Variants in MAMDC4 observed in about 807,000 individuals in gnomAD.
MAMDC4 encodes MAM domain containing 4, also known as apical endosomal glycoprotein.
MAMDC4 carries 168 observed loss-of-function variants against 153.3 expected under a neutral mutation model. That is an observed-to-expected ratio of 1.10 (90% CI 0.97 to 1.25). MAMDC4 has a LOEUF of 1.25. Among genes scored for constraint, MAMDC4 ranks in the 50% most tolerant of loss-of-function variants. MAMDC4 has a pLI of 0.00. For synonymous variants in MAMDC4, 744 were observed against 651.5 expected, an observed-to-expected ratio of 1.14 and a Z score of -2.16; for missense variants, 1,701 against 1,542.8, an observed-to-expected ratio of 1.10 and a Z score of -1.72.
Position 136,854,763 on chromosome 9 carries a change from C to T in MAMDC4, c.936C>T (p.Gly312=). 1.9e-6 allele frequency: 3 copies of T among 1,612,780 alleles called. No individual in the cohort carries two copies. The highest frequency in any genetic ancestry group is 2.5e-6 in the Non-Finnish European group (3 of 1,179,878). ...RRDHSRNSAQ[G]SFLVSVAEPG... ...GCCCACTCCCGTCCTTTCCCGCAGG[C>T]TCCTTCCTGGTCTCCGTGGCCGAGC... Residue 312 remains glycine (G), a splice_region_variant and synonymous_variant, in exon 9 of 27, where the codon GGC becomes GGT. Coordinates refer to ENST00000317446, the MANE Select transcript of MAMDC4 (RefSeq NM_206920.3).
chr9:136,857,206 C>T lies in MAMDC4; in HGVS notation c.2014C>T (p.His672Tyr), dbSNP rs767582388. 5 of 1,611,976 alleles carry T rather than the reference C, an allele frequency of 3.1e-6. No individual in the cohort carries two copies. The highest frequency in any genetic ancestry group is 1.3e-5 in the African/African-American group (1 of 75,062). Residue 672 changes from histidine (H) to tyrosine (Y), a missense_variant, in exon 17 of 27, where the codon CAC becomes TAC. His to Tyr is a moderately conservative substitution (Grantham distance 83). Transcript: ENST00000317446. The stretch of plus-strand genomic sequence containing the variant: ...CATGAGACGGGAAGGGGAGGAGACA[C>T]ACCTGTGGTCGCGGTCAGGCACCCA... The part of the protein sequence containing the change: ...LAMRREGEET[H>Y]LWSRSGTQGN...
At position 136,853,615 on chromosome 9, in the gene MAMDC4, G is replaced by T. The variant is rs1353219138; in HGVS notation, c.399G>T (p.Leu133=). Residue 133 remains leucine, a synonymous_variant, in exon 4 of 27, where the codon CTG becomes CTT. Coordinates refer to ENST00000317446, the MANE Select transcript of MAMDC4 (RefSeq NM_206920.3). ...ASTAALRSPT[L]REAASSCKLR... is the part of the protein sequence containing the mutation. ...CCGCAGCCCTGCGCTCGCCAACCCT[G>T]CGAGAGGCAGCCTCCTCTTGCAAGC... The T allele has an allele frequency of 1.6e-5, 25 of 1,612,372 alleles. No individual in the cohort carries two copies. Among genetic ancestry groups the T allele is most frequent in the Non-Finnish European group, 2.0e-5 (24 of 1,179,866 alleles).
At position 136,852,480 on chromosome 9, in the gene MAMDC4, A is replaced by G; in HGVS notation, c.46+18A>G. ...GTTCCTGGGTAAGTAGTCTGGTCCC[A>G]CTCCTGAGGCAGGACCAGGGGCCCT... On this transcript the variant is annotated intron_variant, in intron 1 of 26. Transcript: ENST00000317446. The G allele has an allele frequency of 6.2e-7, 1 of 1,608,008 alleles. No homozygotes were observed. The highest frequency in any genetic ancestry group is 8.5e-7 in the Non-Finnish European group (1 of 1,179,658).
chr9:136,856,754 G>C lies in MAMDC4; in HGVS notation c.1765G>C (p.Gly589Arg), dbSNP rs1564387465. 6.2e-7 allele frequency: 1 copy of C among 1,612,488 alleles called. No individual in the cohort carries two copies. The highest frequency in any genetic ancestry group is 1.7e-5 in the Admixed American group (1 of 59,944). The change falls in exon 15 of 27, where the codon GGC becomes CGC. Residue 589 changes from glycine (G) to arginine (R), a missense_variant. Coordinates refer to ENST00000317446, the MANE Select transcript of MAMDC4 (RefSeq NM_206920.3). ...FERDTCSWYPGHLSDTHWRWV... is the reference protein window; with the variant it reads ...FERDTCSWYPRHLSDTHWRWV... The stretch of plus-strand genomic sequence containing the variant: ...GCGGGACACATGCAGCTGGTACCCA[G>C]GCCACCTCTCAGACACACACTGGCG...
In MAMDC4 at chr9:136,854,276, C is replaced by T. The variant is rs1467077466; in HGVS notation, c.736C>T (p.Gln246Ter). ...GAACAAGGTCTGCGTGGAGCCCCAGCAGCTGTGCGACGGGGAAGACAACTG... is the reference window on the plus strand; with the variant it reads ...GAACAAGGTCTGCGTGGAGCCCCAGTAGCTGTGCGACGGGGAAGACAACTG... Reference protein sequence around the residue: ...CQNKVCVEPQQLCDGEDNCGD... With the variant: ...CQNKVCVEPQ The change falls in exon 7 of 27, where the codon CAG becomes TAG. Residue 246 changes from glutamine to a stop codon, truncating the protein, a stop_gained. Coordinates refer to ENST00000317446, the MANE Select transcript of MAMDC4 (RefSeq NM_206920.3). LOFTEE classifies it high-confidence loss of function. 1 of 1,609,290 alleles carries T rather than the reference C, an allele frequency of 6.2e-7. No homozygotes were observed. Among genetic ancestry groups the T allele is most frequent in the South Asian group, 1.1e-5 (1 of 90,550 alleles).
In MAMDC4 at chr9:136,855,635, C is replaced by T; in HGVS notation, c.1471+16C>T. ...CAGGCCTGTGGTAAAGGGGCTCAAC[C>T]TCCTGCAGACCTCCTGCTGCGGAGC... is the stretch of plus-strand genomic sequence containing the variant. On this transcript the variant is annotated intron_variant, in intron 12 of 26. Coordinates refer to ENST00000317446, the MANE Select transcript of MAMDC4 (RefSeq NM_206920.3). 6.4e-7 allele frequency: 1 copy of T among 1,568,656 alleles called. No homozygotes were observed. The highest frequency in any genetic ancestry group is 2.3e-5 in the East Asian group (1 of 43,158).
In MAMDC4 at chr9:136,857,055, G is replaced by A; in HGVS notation, c.1972+14G>A. 6.2e-7 allele frequency: 1 copy of A among 1,608,868 alleles called. No individual in the cohort carries two copies. Among genetic ancestry groups the A allele is most frequent in the Non-Finnish European group, 8.5e-7 (1 of 1,177,408 alleles). ...GGCCCCAGATTGGTGAGTGGACCTG[G>A]AAACAGGGCAGAGCCTGTGGGGAGG... is the stretch of plus-strand genomic sequence containing the variant. On this transcript the variant is annotated intron_variant, in intron 16 of 26. Transcript: ENST00000317446.
intron 20 of MAMDC4, 35 bp downstream of exon 20, chr9:136,858,132 C>T (rs1288532278): frequency 1.3e-6 from 2 of 1,535,814 alleles, no homozygotes; most frequent in Non-Finnish European, 1.8e-6. Context: ...CCCCCTCCCC[C>T]TCCCCCGAGG....
In MAMDC4 at chr9:136,857,357, C is replaced by A; in HGVS notation, c.2107-10C>A. On this transcript the variant is annotated splice_polypyrimidine_tract_variant and intron_variant, in intron 17 of 26. Coordinates refer to ENST00000317446, the MANE Select transcript of MAMDC4 (RefSeq NM_206920.3). The stretch of plus-strand genomic sequence containing the variant: ...AGGGCCCCTGGCCAGCTGACACCCT[C>A]CACCCCCAGCTGCTGTTCGAGGGCC... 1.9e-6 allele frequency: 3 copies of A among 1,608,492 alleles called. No individual in the cohort carries two copies. The highest frequency in any genetic ancestry group is 2.5e-6 in the Non-Finnish European group (3 of 1,179,432).
At chr9:136,857,893 C>A in intron 19 of MAMDC4, 86 bp from the exon 20 acceptor site, 2 of 1,490,988 alleles carry the variant, frequency 1.3e-6, no homozygotes, top group Non-Finnish European at 1.8e-6. Flanking sequence ...GCCTCTTGCG[C>A]CCGCCAGGCT....
intron 7 of MAMDC4, 51 bp downstream of exon 7, chr9:136,854,387 G>A: frequency 6.7e-7 from 1 of 1,497,342 alleles, no homozygotes; most frequent in Non-Finnish European, 8.9e-7. Flanking sequence ...GGACGCCTCG[G>A]TGGGGGCCCT....
chr9:136,856,235 T>G (rs772833590), intron 14 of MAMDC4, 86 bp downstream of exon 14: 2 of 1,596,056 alleles, frequency 1.3e-6, no homozygotes, highest in Non-Finnish European at 1.7e-6. Flanking sequence ...TGACCCACAG[T>G]GCCCCCCGCC....
intron 26 of MAMDC4, 51 bp from the exon 27 acceptor site, chr9:136,860,511 A>C (rs368690084): frequency 6.4e-7 from 1 of 1,573,298 alleles, no homozygotes; most frequent in African/African-American, 1.4e-5. Context: ...ACAAGAGCGA[A>C]ACTCCGTCTC....
chr9:136,853,575 G>A lies in MAMDC4; in HGVS notation c.359G>A (p.Gly120Glu), dbSNP rs752541368. 3.1e-6 allele frequency: 5 copies of A among 1,612,586 alleles called. No homozygotes were observed. The Admixed American group carries it at 8.3e-5, about 27-fold the overall frequency. ...GWYMAVGTHR[G>E]KEASTAALRS... ...TACATGGCCGTTGGAACCCACCGAG[G>A]GAAAGAGGCATCCACCGCAGCCCTG... The change falls in exon 4 of 27, where the codon GGG (glycine) becomes GAG (glutamate). Residue 120 changes from glycine (G) to glutamate (E), a missense_variant. Gly to Glu is a moderately conservative substitution (Grantham distance 98, BLOSUM62 -2). Transcript: ENST00000317446.
intron 14 of MAMDC4, chr9:136,856,456 C>A: frequency 1.3e-6 from 1 of 784,028 alleles, no homozygotes; most frequent in Non-Finnish European, 2.4e-6. Context: ...TCCCCCTACC[C>A]CATGAAGCTG....
In MAMDC4 at chr9:136,857,697, C is replaced by T; in HGVS notation, c.2365C>T (p.Pro789Ser). The T allele has an allele frequency of 1.2e-6, 2 of 1,612,638 alleles. No homozygotes were observed. ...GGTGGACACAAGCCCAGACGCACTA[C>T]CCCGGGGCCAGACGGCCTCCCTGAC... is the stretch of plus-strand genomic sequence containing the variant. ...MVVDTSPDAL[P>S]RGQTASLTSK... The change falls in exon 19 of 27, where the codon CCC becomes TCC. Residue 789 changes from proline (P) to serine (S), a missense_variant. Transcript: ENST00000317446.
intron 14 of MAMDC4, 151 bp from the exon 15 acceptor site, chr9:136,856,559 C>T: frequency 1.2e-6 from 1 of 827,850 alleles, no homozygotes. Flanking sequence ...CCACAGTGAC[C>T]ACCGAGAGAG....
chr9:136,858,136 C>A (rs1291873646), intron 20 of MAMDC4, 39 bp downstream of exon 20: 1 of 1,537,052 alleles, frequency 6.5e-7, no homozygotes, highest in South Asian at 1.2e-5. Context: ...CTCCCCCTCC[C>A]CCGAGGGCTG....
At position 136,856,146 on chromosome 9, in the gene MAMDC4, C is replaced by G; in HGVS notation, c.1717C>G (p.Arg573Gly). The G allele has an allele frequency of 1.9e-6, 3 of 1,612,104 alleles. No homozygotes were observed. Among genetic ancestry groups the G allele is most frequent in the Non-Finnish European group, 2.5e-6 (3 of 1,179,608 alleles). Residue 573 changes from arginine to glycine, a missense_variant, in exon 14 of 27, where the codon CGA (arginine) becomes GGA (glycine). Physicochemically the swap from Arg to Gly is moderately radical, Grantham distance 125 (BLOSUM62 -2). Coordinates refer to ENST00000317446, the MANE Select transcript of MAMDC4 (RefSeq NM_206920.3). ...HLAYYLQSQP[R>G]EVSCNFERDT... ...GGCTTATTATTTACAGAGCCAGCCCCGAGGTACCGCCACACTCCGCAAGTT... is the reference window on the plus strand; with the variant it reads ...GGCTTATTATTTACAGAGCCAGCCCGGAGGTACCGCCACACTCCGCAAGTT...
Sources: gnomAD v4.1 joint callset for allele counts on GRCh38, gnomAD v4.1.1 for gene constraint, MANE v1.5 for transcripts, NCBI Gene and HGNC (gene_info 2026-07-23, HGNC 2026-07-21) for gene names.